ASMTL: variants seen among roughly 807,000 people sequenced by gnomAD.
ASMTL encodes the protein probable bifunctional dTTP/UTP pyrophosphatase/methyltransferase protein.
In ASMTL, 57 loss-of-function variants were observed where a neutral mutation model predicts 60.3. The observed-to-expected ratio is 0.95, with a 90% CI of 0.76 to 1.18. The LOEUF (loss-of-function observed/expected upper bound fraction) is 1.18. Ranked by LOEUF, ASMTL falls within the 50% of genes most tolerant of loss-of-function variation. The pLI, the probability that ASMTL is intolerant of heterozygous loss-of-function variation, is 0.00. For missense variants in ASMTL, 981 were observed against 852.6 expected (o/e 1.15, Z -1.88); for synonymous variants, 419 against 373.0 (o/e 1.12, Z -1.42).
chrX:1,419,620 C>T (rs2090419424), intron 9 of ASMTL, among the ~76,000 whole-genome samples: 1 of 152,074 alleles, frequency 6.6e-6, no homozygotes, highest in Non-Finnish European at 1.5e-5. Context: ...ACCCCGGGTC[C>T]CAGAGGAGCC....
Position 1,452,817 on chromosome X carries a change from C to T in ASMTL, c.24G>A (p.Gly8=). 5.0e-6 allele frequency: 8 copies of T among 1,594,974 alleles called. No homozygotes were observed. In the South Asian group the frequency reaches 6.7e-5, roughly 13 times the overall value. Residue 8 remains glycine, a synonymous_variant, in exon 1 of 13, where the codon GGG becomes GGA. Coordinates refer to ENST00000381317, the MANE Select transcript of ASMTL (RefSeq NM_004192.4). MVLCPVI[G]KLLHKRVVLA... ...GCACCACGCGCTTGTGCAGCAGCTT[C>T]CCAATCACCGGGCACAGCACCATGG...
At chrX:1,451,468 C>T (rs1349891918) in intron 1 of ASMTL, among the ~76,000 whole-genome samples, 1 of 138,904 alleles carries the variant, frequency 7.2e-6, no homozygotes, top group African/African-American at 2.7e-5. Flanking sequence ...CCTTTTGGGT[C>T]CCGGGTTACT....
At chrX:1,441,968 C>T in intron 2 of ASMTL, 1 of 561,578 alleles carries the variant, frequency 1.8e-6, no homozygotes, top group Non-Finnish European at 3.2e-6. Context: ...AATATTATAA[C>T]ACACAGTAAC....
intron 11 of ASMTL, among the ~76,000 whole-genome samples, chrX:1,416,762 C>T (rs1273241363): frequency 2.1e-5 from 2 of 93,382 alleles, no homozygotes; most frequent in Non-Finnish European, 4.7e-5. Flanking sequence ...CACACAGACA[C>T]ATGCACACAC....
chrX:1,419,701 C>A (rs1288095021), intron 9 of ASMTL, among the ~76,000 whole-genome samples: 1 of 152,184 alleles, frequency 6.6e-6, no homozygotes, highest in African/African-American at 2.4e-5. Context: ...GCAAGCAAGC[C>A]CAGCTGAGGA....
Position 1,403,360 on chromosome X carries a change from C to T in ASMTL, c.1775G>A (p.Cys592Tyr), listed in dbSNP as rs1302318255. 1.2e-6 allele frequency: 2 copies of T among 1,613,342 alleles called. No individual in the cohort carries two copies. The highest frequency in any genetic ancestry group is 2.7e-5 in the African/African-American group (2 of 74,954). The stretch of plus-strand genomic sequence containing the variant: ...GTGGAAGCCGTGCAGCTCCAGCAAG[C>T]ACTGATACTCGCCCAGGCTCCGCTC... Reference protein sequence around the residue: ...GKERSLGEYQCLLELHGFHQV... With the variant: ...GKERSLGEYQYLLELHGFHQV... The change falls in exon 13 of 13, where the codon TGC becomes TAC. Residue 592 changes from cysteine to tyrosine, a missense_variant. By Grantham distance (194) the Cys-to-Tyr change is radical. Coordinates refer to ENST00000381317, the MANE Select transcript of ASMTL (RefSeq NM_004192.4).
chrX:1,427,119 A>G (rs2090634033), intron 7 of ASMTL, among the ~76,000 whole-genome samples: 1 of 151,552 alleles, frequency 6.6e-6, no homozygotes. Context: ...TGTCCTTCTA[A>G]GAGACAGAAG....
At chrX:1,420,777 G>C (rs1363603416) in intron 9 of ASMTL, among the ~76,000 whole-genome samples, 28 of 152,130 alleles carry the variant, frequency 1.8e-4, no homozygotes, top group Non-Finnish European at 3.8e-4. Flanking sequence ...ATTCATTTAA[G>C]GCAGCCTGTC....
chrX:1,434,097 C>G (rs1325520441), intron 5 of ASMTL, among the ~76,000 whole-genome samples: 2 of 152,142 alleles, frequency 1.3e-5, no homozygotes, highest in African/African-American at 4.8e-5. Context: ...TGACTGAATT[C>G]TACGATGCCT....
At chrX:1,436,931 C>G (rs756012901) in intron 3 of ASMTL, among the ~76,000 whole-genome samples, 1 of 152,340 alleles carries the variant, frequency 6.6e-6, no homozygotes, top group Non-Finnish European at 1.5e-5. Flanking sequence ...CTCCCATCGT[C>G]GTGGAGACTG....
At chrX:1,435,573 G>T in intron 4 of ASMTL, 121 bp downstream of exon 4, 2 of 923,704 alleles carry the variant, frequency 2.2e-6, no homozygotes, top group Non-Finnish European at 3.5e-6. Flanking sequence ...AGCTCAGACA[G>T]CACAGCTCAG....
At chrX:1,412,668 G>T in intron 12 of ASMTL, 64 bp downstream of exon 12, 1 of 1,610,208 alleles carries the variant, frequency 6.2e-7, no homozygotes, top group Non-Finnish European at 8.5e-7. Flanking sequence ...CGGCCTCCTT[G>T]TAAAACTTGA....
chrX:1,439,507 G>A (rs1477309244), intron 2 of ASMTL, among the ~76,000 whole-genome samples: 1 of 152,192 alleles, frequency 6.6e-6, no homozygotes. Flanking sequence ...GAGTTACCCA[G>A]AATTAAGGCC....
chrX:1,434,872 C>T (rs1197149875), intron 5 of ASMTL, 150 bp downstream of exon 5: 21 of 738,356 alleles, frequency 2.8e-5, no homozygotes, highest in African/African-American at 7.0e-5. Flanking sequence ...TCCAAATCGG[C>T]GGACAACTTT....
rs1400235744 is a variant in ASMTL at position 1,412,636 on chromosome X, G to A, written c.1645+96C>T. The A allele has an allele frequency of 2.4e-5, 37 of 1,546,260 alleles. No individual in the cohort carries two copies. In the African/African-American group the frequency reaches 5.0e-4, roughly 21 times the overall value. On this transcript the variant is annotated intron_variant, in intron 12 of 12. Coordinates refer to ENST00000381317, the MANE Select transcript of ASMTL (RefSeq NM_004192.4). ...CCTCGGCCTCCCAAAGCGCTGGGATGACAGGCGTGAGCCACCGCGCCCGGC... is the reference window on the plus strand; with the variant it reads ...CCTCGGCCTCCCAAAGCGCTGGGATAACAGGCGTGAGCCACCGCGCCCGGC...
At chrX:1,413,327 A>C (rs2149276326) in intron 11 of ASMTL, among the ~76,000 whole-genome samples, 1 of 150,532 alleles carries the variant, frequency 6.6e-6, no homozygotes, top group South Asian at 2.2e-4. Context: ...GCGCCATCGC[A>C]CTCCAGCCTG....
intron 9 of ASMTL, among the ~76,000 whole-genome samples, chrX:1,419,950 C>T (rs2090429253): frequency 1.3e-5 from 2 of 152,184 alleles, no homozygotes; most frequent in South Asian, 2.1e-4. Context: ...CTGTCTGTCT[C>T]TGTCTCCGTC....
intron 1 of ASMTL, among the ~76,000 whole-genome samples, chrX:1,448,084 C>T (rs1187951542): frequency 5.3e-5 from 8 of 149,850 alleles, no homozygotes; most frequent in African/African-American, 2.0e-4. Flanking sequence ...ATCTTGGACA[C>T]ACACAGCCAT....
At chrX:1,410,911 C>A (rs1250158492) in intron 12 of ASMTL, among the ~76,000 whole-genome samples, 4 of 149,878 alleles carry the variant, frequency 2.7e-5, no homozygotes, top group Non-Finnish European at 1.5e-5. Flanking sequence ...TAGAGCCGGG[C>A]GAGGTGGCTC....
Sources: allele counts gnomAD v4.1 joint callset (sites outside exome capture counted in the v4.1 genomes callset), GRCh38; gene constraint gnomAD v4.1.1; transcripts MANE v1.5; gene names NCBI Gene and HGNC (gene_info 2026-07-23, HGNC 2026-07-21).